The following MTMR14 variants were observed in gnomAD, a reference collection of about 807,000 sequenced individuals.
MTMR14 encodes the protein phosphatidylinositol-3,5-bisphosphate 3-phosphatase MTMR14.
A neutral mutation model predicts 86.3 loss-of-function variants in MTMR14; 48 were observed. The observed-to-expected ratio is 0.56, with a 90% CI of 0.44 to 0.71. The LOEUF (loss-of-function observed/expected upper bound fraction) is 0.71, where lower values mean the gene tolerates loss of function less well. MTMR14 is among the 30% of genes least tolerant of loss of function. The pLI is 0.00. For synonymous variants in MTMR14, 366 were observed against 326.1 expected (o/e 1.12, Z -1.32); for missense variants, 780 against 834.6 (o/e 0.93, Z 0.81).
At chr3:9,662,010 C>T (rs940620227) in intron 2 of MTMR14, among the ~76,000 whole-genome samples, 4 of 151,880 alleles carry the variant, frequency 2.6e-5, no homozygotes, top group African/African-American at 9.7e-5. Flanking sequence ...ATTGCTTGAA[C>T]CCGGGAGGCA....
At chr3:9,660,340 A>G (rs293793) in intron 2 of MTMR14, among the ~76,000 whole-genome samples, 1 of 151,340 alleles carries the variant, frequency 6.6e-6, no homozygotes, top group African/African-American at 2.4e-5. Flanking sequence ...CTCACTGCAA[A>G]CTCTGCCTCC....
intron 18 of MTMR14, among the ~76,000 whole-genome samples, chr3:9,698,516 C>G (rs1559623403): frequency 6.6e-6 from 1 of 152,236 alleles, no homozygotes; most frequent in South Asian, 2.1e-4. Context: ...GGGAGCAAGC[C>G]CTGCTCCTCA....
intron 3 of MTMR14, among the ~76,000 whole-genome samples, chr3:9,667,413 A>C (rs898835884): frequency 2.6e-5 from 4 of 152,186 alleles, no homozygotes; most frequent in African/African-American, 9.7e-5. Flanking sequence ...AATCCCTGGA[A>C]ATGTAAGTAG....
intron 3 of MTMR14, among the ~76,000 whole-genome samples, chr3:9,662,635 C>T (rs2048006491): frequency 6.6e-6 from 1 of 152,178 alleles, no homozygotes; most frequent in South Asian, 2.1e-4. Flanking sequence ...ACTCTTATTT[C>T]CTGCCTATGC....
Position 9,697,783 on chromosome 3 carries a change from T to C in MTMR14, c.1686T>C (p.Cys562=). 6.2e-7 allele frequency: 1 copy of C among 1,614,188 alleles called. No homozygotes were observed. Among genetic ancestry groups the C allele is most frequent in the Non-Finnish European group, 8.5e-7 (1 of 1,180,034 alleles). The change falls in exon 18 of 19, where the codon TGT becomes TGC. Residue 562 remains cysteine (C), a synonymous_variant. Coordinates refer to ENST00000296003, the MANE Select transcript of MTMR14 (RefSeq NM_001077525.3). ...GCAGCTGGCAGATGGTAACGGGCTG[T>C]GGCAGTATTCAGGAGCGGGCTGTCC... ...DYGSWQMVTG[C]GSIQERAVLH...
chr3:9,675,844 G>A (rs190438510), intron 7 of MTMR14, among the ~76,000 whole-genome samples: 1 of 152,338 alleles, frequency 6.6e-6, no homozygotes, highest in Admixed American at 6.5e-5. Context: ...GATAATTGCT[G>A]TCTCTTCTAA....
intron 17 of MTMR14, among the ~76,000 whole-genome samples, chr3:9,695,814 A>G (rs763931591): frequency 6.6e-6 from 1 of 152,216 alleles, no homozygotes; most frequent in Non-Finnish European, 1.5e-5. Context: ...CTTGAACAAT[A>G]GACGAGATTT....
chr3:9,694,003 C>T (rs1363837708), intron 17 of MTMR14, among the ~76,000 whole-genome samples: 1 of 152,196 alleles, frequency 6.6e-6, no homozygotes, highest in Non-Finnish European at 1.5e-5. Flanking sequence ...CTGATGGTGG[C>T]AAAATGGCTG....
chr3:9,684,534 G>T (rs1236648210), intron 10 of MTMR14, 51 bp from the exon 11 acceptor site: 2 of 1,572,724 alleles, frequency 1.3e-6, no homozygotes, highest in South Asian at 2.2e-5. Flanking sequence ...CCTGCTCATC[G>T]GCCCATGTCT....
intron 3 of MTMR14, among the ~76,000 whole-genome samples, chr3:9,666,117 T>G (rs1374257324): frequency 1.3e-5 from 2 of 150,410 alleles, no homozygotes; most frequent in East Asian, 3.9e-4. Context: ...TCCCTTAAAA[T>G]GCCCAAAGTT....
intron 7 of MTMR14, 137 bp downstream of exon 7, chr3:9,672,895 T>C: frequency 1.2e-6 from 1 of 814,246 alleles, no homozygotes; most frequent in Non-Finnish European, 2.1e-6. Flanking sequence ...TAGGACATTT[T>C]GGTTCCCAGT....
At chr3:9,692,392 G>A (rs1383459384) in intron 17 of MTMR14, among the ~76,000 whole-genome samples, 2 of 152,254 alleles carry the variant, frequency 1.3e-5, no homozygotes, top group Non-Finnish European at 2.9e-5. Context: ...GCCCTTACTG[G>A]CAAGCCCAGT....
intron 7 of MTMR14, among the ~76,000 whole-genome samples, chr3:9,674,734 A>G (rs2048760630): frequency 6.6e-6 from 1 of 152,242 alleles, no homozygotes; most frequent in African/African-American, 2.4e-5. Context: ...GTAAAGGAAA[A>G]TGTGCTTATA....
intron 9 of MTMR14, among the ~76,000 whole-genome samples, chr3:9,680,050 G>A (rs1036771648): frequency 5.3e-5 from 8 of 152,052 alleles, no homozygotes; most frequent in African/African-American, 1.4e-4. Context: ...CTCATCCATC[G>A]TCCACACCAT....
intron 3 of MTMR14, among the ~76,000 whole-genome samples, chr3:9,666,568 G>A (rs559854185): frequency 1.3e-4 from 20 of 152,330 alleles, no homozygotes; most frequent in African/African-American, 4.6e-4. Context: ...TCTTGGATAT[G>A]ATGGGTTAAG....
At position 9,665,064 on chromosome 3, in the gene MTMR14, G is replaced by A. The variant is rs112960204; in HGVS notation, c.417+2689G>A. Among the ~76,000 whole-genome samples, 394 of 152,092 alleles carry A rather than the reference G, an allele frequency of 2.6e-3. 2 individuals carry two copies. The highest frequency in any genetic ancestry group is 9.3e-3 in the African/African-American group (387 of 41,498). ...TTTGGGAGGCCAAGGCAGGCAGATC[G>A]TGAGGTCAGGAGTTCGAGACCAGCC... On this transcript the variant is annotated intron_variant, in intron 3 of 18. Coordinates refer to ENST00000296003, the MANE Select transcript of MTMR14 (RefSeq NM_001077525.3).
intron 3 of MTMR14, among the ~76,000 whole-genome samples, 184 bp from the exon 4 acceptor site, chr3:9,668,535 G>A (rs2048382101): frequency 6.6e-6 from 1 of 152,214 alleles, no homozygotes; most frequent in Non-Finnish European, 1.5e-5. Flanking sequence ...CCTCAGTAGA[G>A]GTTGTGGATT....
intron 11 of MTMR14, 59 bp from the exon 12 acceptor site, chr3:9,684,829 T>C: frequency 6.3e-7 from 1 of 1,592,244 alleles, no homozygotes; most frequent in African/African-American, 1.3e-5. Flanking sequence ...GGTCTGGTTA[T>C]GGTTCAGCTC....
At chr3:9,673,633 AG>A (rs2048693619) in intron 7 of MTMR14, among the ~76,000 whole-genome samples, 1 of 152,158 alleles carries the variant, frequency 6.6e-6, no homozygotes, top group Non-Finnish European at 1.5e-5. Context: ...GCCATGAGCA[AG>A]GGCAGGCAGG....
Sources: gnomAD v4.1 joint callset for allele counts (sites outside exome capture counted in the v4.1 genomes callset) on GRCh38, gnomAD v4.1.1 for gene constraint, MANE v1.5 for transcripts, NCBI Gene and HGNC (gene_info 2026-07-23, HGNC 2026-07-21) for gene names.